Variants in ADAMTS3 observed in about 807,000 individuals in gnomAD.
ADAMTS3 encodes the protein ADAM metallopeptidase with thrombospondin type 1 motif 3.
ADAMTS3 carries 73 observed loss-of-function variants against 129.0 expected under a neutral mutation model. The ratio of observed to expected loss-of-function variants is 0.57; its 90% CI spans 0.47 to 0.69. The LOEUF is 0.69. Among genes scored for constraint, ADAMTS3 ranks in the 30% least tolerant of loss-of-function variants. The pLI is 0.00. For missense variants in ADAMTS3, 1,457 were observed against 1,514.5 expected, an observed-to-expected ratio of 0.96 and a Z score of 0.63; for synonymous variants, 477 against 510.8, an observed-to-expected ratio of 0.93 and a Z score of 0.89.
intron 18 of ADAMTS3, among the ~76,000 whole-genome samples, chr4:72,298,026 T>C (rs1393334675): frequency 6.6e-6 from 1 of 152,082 alleles, no homozygotes; most frequent in Non-Finnish European, 1.5e-5. Flanking sequence ...AGGGTACCAC[T>C]ACAGTAAATG....
At chr4:72,492,632 TA>T in intron 3 of ADAMTS3, among the ~76,000 whole-genome samples, 1 of 151,984 alleles carries the variant, frequency 6.6e-6, no homozygotes, top group South Asian at 2.1e-4. Flanking sequence ...TTTTGTGACC[TA>T]ATATGTGATC....
chr4:72,455,837 T>TAAA (rs1718541344), intron 3 of ADAMTS3, among the ~76,000 whole-genome samples: 1 of 127,170 alleles, frequency 7.9e-6, no homozygotes, highest in Non-Finnish European at 1.6e-5. Context: ...ATATACAGTG[T>TAAA]ATATACTATA....
At chr4:72,399,194 C>T (rs1342637046) in intron 4 of ADAMTS3, among the ~76,000 whole-genome samples, 1 of 152,130 alleles carries the variant, frequency 6.6e-6, no homozygotes, top group Admixed American at 6.6e-5. Flanking sequence ...CTTTGTGAGG[C>T]TTTGGTGGGA....
At chr4:72,421,000 G>A (rs969596824) in intron 3 of ADAMTS3, among the ~76,000 whole-genome samples, 2 of 152,196 alleles carry the variant, frequency 1.3e-5, no homozygotes, top group African/African-American at 4.8e-5. Flanking sequence ...AGCTAAAGCT[G>A]TTAACAGAAA....
chr4:72,315,748 T>C (rs1719377493), intron 11 of ADAMTS3, 110 bp downstream of exon 11: 10 of 674,722 alleles, frequency 1.5e-5, no homozygotes, highest in Admixed American at 3.0e-5. Flanking sequence ...TTGCATACTA[T>C]GGTTTTCATA....
chr4:72,556,928 C>T (rs918213529), intron 2 of ADAMTS3, among the ~76,000 whole-genome samples: 3 of 151,634 alleles, frequency 2.0e-5, no homozygotes, highest in African/African-American at 7.3e-5. Flanking sequence ...ATAATCCCAC[C>T]CAGCCTGATG....
chr4:72,313,889 G>T, intron 11 of ADAMTS3, 67 bp from the exon 12 acceptor site: 1 of 1,575,582 alleles, frequency 6.3e-7, no homozygotes, highest in Non-Finnish European at 8.7e-7. Context: ...TGTTATACAA[G>T]AACCATCTAG....
At chr4:72,341,357 A>G (rs1340969521) in intron 4 of ADAMTS3, among the ~76,000 whole-genome samples, 1 of 152,178 alleles carries the variant, frequency 6.6e-6, no homozygotes, top group Non-Finnish European at 1.5e-5. Flanking sequence ...TCACCAAGGA[A>G]TTACATTGGC....
intron 4 of ADAMTS3, among the ~76,000 whole-genome samples, chr4:72,347,295 T>TC (rs1234338686): frequency 6.6e-5 from 10 of 151,228 alleles, no homozygotes; most frequent in African/African-American, 2.4e-4. Context: ...TTTTTTTTTT[T>TC]CCATTTGCTA....
chr4:72,339,035 TTCAA>T (rs1325798542), intron 5 of ADAMTS3, among the ~76,000 whole-genome samples: 5 of 152,186 alleles, frequency 3.3e-5, no homozygotes, highest in Non-Finnish European at 7.3e-5. Flanking sequence ...ATCACATTTG[TTCAA>T]AAGCTGTAAT....
intron 4 of ADAMTS3, among the ~76,000 whole-genome samples, chr4:72,344,056 A>G (rs1720209967): frequency 6.6e-6 from 1 of 152,160 alleles, no homozygotes; most frequent in African/African-American, 2.4e-5. Flanking sequence ...TGATCATTTT[A>G]CTATAAGGCC....
At chr4:72,529,670 A>C (rs1323122102) in intron 3 of ADAMTS3, among the ~76,000 whole-genome samples, 7 of 127,972 alleles carry the variant, frequency 5.5e-5, no homozygotes, top group African/African-American at 2.0e-4. Context: ...ATAAAATATT[A>C]AATATTATTT....
intron 3 of ADAMTS3, among the ~76,000 whole-genome samples, chr4:72,517,705 C>T (rs772205912): frequency 0.036 from 5,499 of 151,460 alleles, 113 homozygotes; most frequent in Non-Finnish European, 0.047. Context: ...TTTTTTATTG[C>T]GTCTATTTGA....
intron 2 of ADAMTS3, among the ~76,000 whole-genome samples, chr4:72,557,063 T>C (rs1008666574): frequency 6.6e-6 from 1 of 151,812 alleles, no homozygotes; most frequent in Admixed American, 6.5e-5. Context: ...AATTGGCTGG[T>C]TAACTACGAT....
intron 4 of ADAMTS3, among the ~76,000 whole-genome samples, chr4:72,395,885 T>C (rs1190851762): frequency 6.6e-6 from 1 of 152,156 alleles, no homozygotes; most frequent in Non-Finnish European, 1.5e-5. Flanking sequence ...TTGGTAACCT[T>C]CTATCTCAAA....
At chr4:72,502,738 A>G (rs1415810270) in intron 3 of ADAMTS3, among the ~76,000 whole-genome samples, 1 of 151,686 alleles carries the variant, frequency 6.6e-6, no homozygotes, top group Non-Finnish European at 1.5e-5. Context: ...TTATTATTAC[A>G]CTCTAAGTTC....
At chr4:72,369,712 A>C (rs1720956473) in intron 4 of ADAMTS3, among the ~76,000 whole-genome samples, 1 of 151,842 alleles carries the variant, frequency 6.6e-6, no homozygotes, top group Admixed American at 6.6e-5. Flanking sequence ...CTCAGCCTAA[A>C]AAATAAATAA....
At chr4:72,566,549 C>T (rs1247324927) in intron 2 of ADAMTS3, among the ~76,000 whole-genome samples, 1 of 152,150 alleles carries the variant, frequency 6.6e-6, no homozygotes, top group Non-Finnish European at 1.5e-5. Flanking sequence ...TATCACCTGA[C>T]AAATACAGAA....
At position 72,283,172 on chromosome 4, in the gene ADAMTS3, G is replaced by A. The variant is rs755430922; in HGVS notation, c.3582C>T (p.Asn1194=). 2 of 1,613,082 alleles carry A rather than the reference G, an allele frequency of 1.2e-6. No individual in the cohort carries two copies. The highest frequency in any genetic ancestry group is 1.7e-5 in the Admixed American group (1 of 59,924). Residue 1194 remains asparagine (N), a synonymous_variant, in exon 22 of 22, where the codon AAC becomes AAT. Coordinates refer to ENST00000286657, the MANE Select transcript of ADAMTS3 (RefSeq NM_014243.3). ...TSKKDGKIID[N]RRPTRSSTLE... The stretch of plus-strand genomic sequence containing the variant: ...AGGTGGATGATCTTGTCGGACGTCT[G>A]TTGTCAATGATCTTTCCATCTTTCT...
Sources: allele counts gnomAD v4.1 joint callset (sites outside exome capture counted in the v4.1 genomes callset), GRCh38; gene constraint gnomAD v4.1.1; transcripts MANE v1.5; gene names NCBI Gene and HGNC (gene_info 2026-07-23, HGNC 2026-07-21).